The following KLHL1 variants were observed in gnomAD, a reference collection of about 807,000 sequenced individuals.
The protein encoded by KLHL1 is kelch like family member 1, also known as kelch-like protein 1.
Under a neutral mutation model 77.7 loss-of-function variants are expected in KLHL1, and 47 were observed. The ratio of observed to expected loss-of-function variants is 0.60; its 90% confidence interval spans 0.48 to 0.77. KLHL1 has a LOEUF of 0.77. Among genes scored for constraint, KLHL1 ranks in the 30% least tolerant of loss-of-function variants. KLHL1 has a pLI of 0.00. For missense variants in KLHL1, 925 were observed against 910.8 expected, an observed-to-expected ratio of 1.02 and a Z score of -0.20; for synonymous variants, 360 against 325.2, an observed-to-expected ratio of 1.11 and a Z score of -1.15.
intron 2 of KLHL1, among the ~76,000 whole-genome samples, chr13:69,964,180 A>T (rs1168034665): frequency 6.6e-6 from 1 of 152,122 alleles, no homozygotes; most frequent in Non-Finnish European, 1.5e-5. Context: ...AACAGCTAGG[A>T]TCACAAGTAT....
chr13:69,916,655 C>T (rs147686144), intron 4 of KLHL1, among the ~76,000 whole-genome samples: 245 of 151,628 alleles, frequency 1.6e-3, no homozygotes, highest in East Asian at 6.0e-3. Context: ...ATGAGTTAGT[C>T]GGTGCAGCAC....
chr13:69,963,827 G>A (rs901557678), intron 2 of KLHL1, among the ~76,000 whole-genome samples: 1 of 151,872 alleles, frequency 6.6e-6, no homozygotes, highest in Non-Finnish European at 1.5e-5. Flanking sequence ...ATCAATATTG[G>A]AAGAAATATC....
At chr13:69,945,313 T>G (rs983069396) in intron 3 of KLHL1, among the ~76,000 whole-genome samples, 1 of 152,020 alleles carries the variant, frequency 6.6e-6, no homozygotes, top group Non-Finnish European at 1.5e-5. Context: ...AATTAAAAAT[T>G]TATTTGATAA....
intron 5 of KLHL1, among the ~76,000 whole-genome samples, chr13:69,869,465 G>A (rs1880497485): frequency 2.0e-5 from 3 of 152,046 alleles, no homozygotes; most frequent in Admixed American, 2.0e-4. Context: ...GAATATTTAT[G>A]ACCACATTCT....
chr13:69,703,565 T>C (rs1329774916), intron 10 of KLHL1, among the ~76,000 whole-genome samples: 1 of 151,566 alleles, frequency 6.6e-6, no homozygotes, highest in Non-Finnish European at 1.5e-5. Context: ...CAGTAGCATA[T>C]AGTAATGTCC....
intron 4 of KLHL1, among the ~76,000 whole-genome samples, chr13:69,933,156 C>A (rs952052008): frequency 1.3e-5 from 2 of 151,870 alleles, no homozygotes; most frequent in Non-Finnish European, 2.9e-5. Context: ...TGCTGAAAGT[C>A]AAATTTTGGT....
At chr13:70,028,077 A>C (rs1323744493) in intron 1 of KLHL1, among the ~76,000 whole-genome samples, 1 of 152,200 alleles carries the variant, frequency 6.6e-6, no homozygotes, top group Non-Finnish European at 1.5e-5. Context: ...TAAGGTCAGA[A>C]AAATAAATTG....
chr13:70,104,488 A>C (rs1247133092), intron 1 of KLHL1, among the ~76,000 whole-genome samples: 2 of 152,122 alleles, frequency 1.3e-5, no homozygotes, highest in African/African-American at 4.8e-5. Flanking sequence ...GGTTTACTCA[A>C]CTGAGCTAGT....
Position 69,897,606 on chromosome 13 carries a change from C to A in KLHL1, c.1015-15111G>T, listed in dbSNP as rs149091868. On this transcript the variant is annotated intron_variant, in intron 4 of 10. Coordinates refer to ENST00000377844, the MANE Select transcript of KLHL1 (RefSeq NM_020866.3). Reference sequence around the variant, plus strand: ...TTGCTGGATGTGTCACTAAATGCCCCCTTCCTCCAGAGTGCGTTGACTACC... The same window carrying A: ...TTGCTGGATGTGTCACTAAATGCCCACTTCCTCCAGAGTGCGTTGACTACC... Among the ~76,000 whole-genome samples, 68 of 152,214 alleles carry A rather than the reference C, an allele frequency of 4.5e-4. 1 individual carries two copies. Among genetic ancestry groups the A allele is most frequent in the African/African-American group, 1.5e-3 (63 of 41,512 alleles).
chr13:69,703,839 A>C (rs1875509682), intron 10 of KLHL1, among the ~76,000 whole-genome samples: 1 of 151,682 alleles, frequency 6.6e-6, no homozygotes, highest in Non-Finnish European at 1.5e-5. Context: ...ATACAGCCTC[A>C]GTGTGTAGTA....
At chr13:69,759,964 C>T (rs1470805355) in intron 7 of KLHL1, among the ~76,000 whole-genome samples, 2 of 152,136 alleles carry the variant, frequency 1.3e-5, no homozygotes, top group Admixed American at 1.3e-4. Flanking sequence ...TTTCTAGTGA[C>T]TCAAACCCTC....
intron 4 of KLHL1, 73 bp from the exon 5 acceptor site, chr13:69,882,568 G>T: frequency 1.0e-6 from 1 of 987,442 alleles, no homozygotes; most frequent in Non-Finnish European, 1.6e-6. Context: ...TCAGAAAGAA[G>T]AAAAGTAGTC....
chr13:69,982,166 G>T (rs193201189), intron 1 of KLHL1, among the ~76,000 whole-genome samples: 2 of 151,914 alleles, frequency 1.3e-5, no homozygotes, highest in Admixed American at 1.3e-4. Context: ...ATAAAAAGTG[G>T]CTCATGCCTG....
chr13:69,777,431 G>A (rs558042873), intron 7 of KLHL1, among the ~76,000 whole-genome samples: 3 of 152,128 alleles, frequency 2.0e-5, no homozygotes, highest in East Asian at 3.9e-4. Context: ...TTATCTTAAA[G>A]TGGGATTATA....
intron 4 of KLHL1, among the ~76,000 whole-genome samples, chr13:69,889,502 A>T (rs1009794544): frequency 4.6e-5 from 7 of 151,794 alleles, no homozygotes; most frequent in Non-Finnish European, 8.8e-5. Context: ...TATTTGATTA[A>T]TTTTTTTCTG....
chr13:69,861,182 A>G (rs2138152426), intron 5 of KLHL1, among the ~76,000 whole-genome samples: 1 of 152,218 alleles, frequency 6.6e-6, no homozygotes, highest in South Asian at 2.1e-4. Flanking sequence ...TCAACTGATA[A>G]GTGAAATTAC....
chr13:69,779,079 T>A (rs149951961), intron 7 of KLHL1, among the ~76,000 whole-genome samples: 1 of 152,240 alleles, frequency 6.6e-6, no homozygotes, highest in African/African-American at 2.4e-5. Context: ...ATTACAGGTC[T>A]AAGCCACCAT....
chr13:69,737,125 G>A (rs527981417), intron 8 of KLHL1, among the ~76,000 whole-genome samples: 1 of 152,306 alleles, frequency 6.6e-6, no homozygotes, highest in East Asian at 1.9e-4. Context: ...AAGGCAGTGA[G>A]GGATTGTGCT....
rs189078987 is a variant in KLHL1, at chr13:69,988,367, T to C, written c.498-12565A>G. 2.8e-4 allele frequency among the ~76,000 whole-genome samples: 43 copies of C among 152,238 alleles called. No homozygotes were observed. The East Asian group carries it at 7.7e-3, about 27-fold the overall frequency. ...ATTGTCTTTATCCAGCCTATGGTTG[T>C]TTGGCATTTAGGTTGATTCCATGTC... On this transcript the variant is annotated intron_variant, in intron 1 of 10. Transcript: ENST00000377844.
Sources: gnomAD v4.1 joint callset for allele counts (sites outside exome capture counted in the v4.1 genomes callset) on GRCh38, gnomAD v4.1.1 for gene constraint, MANE v1.5 for transcripts, NCBI Gene and HGNC (gene_info 2026-07-23, HGNC 2026-07-21) for gene names.